Variants in TYW1 observed in about 807,000 individuals in gnomAD.
The protein encoded by TYW1 is tRNA-yW synthesizing protein 1 homolog, also known as S-adenosyl-L-methionine-dependent tRNA 4-demethylwyosine synthase TYW1.
Under a neutral mutation model 96.2 loss-of-function variants are expected in TYW1, and 46 were observed. The ratio of observed to expected loss-of-function variants is 0.48; its 90% CI spans 0.38 to 0.61. TYW1 has a LOEUF of 0.61. TYW1 is among the 20% of genes least tolerant of loss of function. The pLI, the probability that TYW1 is intolerant of heterozygous loss-of-function variation, is 0.00. For synonymous variants in TYW1, 274 were observed against 323.0 expected (o/e 0.85, Z 1.63); for missense variants, 684 against 909.6 (o/e 0.75, Z 3.19).
intron 7 of TYW1, among the ~76,000 whole-genome samples, chr7:67,043,325 A>G (rs1283822540): frequency 6.8e-6 from 1 of 146,006 alleles, no homozygotes; most frequent in East Asian, 2.0e-4. Context: ...TCTTTCTCTT[A>G]TGTTGTGGTT....
chr7:67,031,892 G>A (rs1005172786), intron 7 of TYW1, among the ~76,000 whole-genome samples: 1 of 152,086 alleles, frequency 6.6e-6, no homozygotes, highest in Non-Finnish European at 1.5e-5. Flanking sequence ...TGTGACCCAT[G>A]TTCCTGCTGA....
At chr7:67,200,408 A>G (rs1358099139) in intron 15 of TYW1, among the ~76,000 whole-genome samples, 2 of 152,136 alleles carry the variant, frequency 1.3e-5, no homozygotes, top group Non-Finnish European at 2.9e-5. Flanking sequence ...CCTCACAATA[A>G]TGGTGGAAGG....
At chr7:67,071,002 G>C (rs758554909) in intron 10 of TYW1, among the ~76,000 whole-genome samples, 2 of 151,782 alleles carry the variant, frequency 1.3e-5, no homozygotes. Flanking sequence ...GTGGTGGTGG[G>C]CGCCTGTAGT....
chr7:67,000,009 C>T (rs193287024), intron 3 of TYW1, among the ~76,000 whole-genome samples: 2 of 151,990 alleles, frequency 1.3e-5, no homozygotes, highest in Admixed American at 1.3e-4. Flanking sequence ...CATCTTCGCT[C>T]ACTGCAACCT....
At chr7:67,152,265 A>T (rs1255196722) in intron 13 of TYW1, among the ~76,000 whole-genome samples, 1 of 152,002 alleles carries the variant, frequency 6.6e-6, no homozygotes, top group Non-Finnish European at 1.5e-5. Flanking sequence ...CCTGGATTAG[A>T]CTCACCATTA....
At chr7:67,225,553 T>C (rs1167419485) in intron 15 of TYW1, among the ~76,000 whole-genome samples, 2 of 152,184 alleles carry the variant, frequency 1.3e-5, no homozygotes, top group Non-Finnish European at 2.9e-5. Context: ...CATCTTGGAA[T>C]AAGAAGGGAC....
chr7:67,006,508 C>T (rs1392982784), intron 3 of TYW1, among the ~76,000 whole-genome samples: 8 of 138,618 alleles, frequency 5.8e-5, no homozygotes, highest in South Asian at 4.4e-4. Context: ...GGCGTGATCT[C>T]GGCTCACTGC....
intron 13 of TYW1, among the ~76,000 whole-genome samples, chr7:67,139,297 T>C (rs1039379651): frequency 1.2e-4 from 18 of 152,306 alleles, no homozygotes; most frequent in African/African-American, 2.9e-4. Context: ...AGTGATCCAG[T>C]CACCTTGGCC....
intron 4 of TYW1, among the ~76,000 whole-genome samples, chr7:67,010,158 G>C (rs868483809): frequency 6.6e-6 from 1 of 151,382 alleles, no homozygotes; most frequent in Non-Finnish European, 1.5e-5. Flanking sequence ...AATTTTTTTT[G>C]TGTGTGTCTG....
At chr7:67,047,953 A>G (rs1477873089) in intron 7 of TYW1, among the ~76,000 whole-genome samples, 1 of 151,692 alleles carries the variant, frequency 6.6e-6, no homozygotes, top group Non-Finnish European at 1.5e-5. Context: ...ATGCCTGGCT[A>G]ATTTTTGTAT....
At position 67,014,445 on chromosome 7, in the gene TYW1, T is replaced by C. The variant is rs746666917; in HGVS notation, c.454T>C (p.Cys152Arg). The change falls in exon 5 of 16, where the codon TGC (cysteine) becomes CGC (arginine). Residue 152 changes from cysteine to arginine, a missense_variant. Transcript: ENST00000359626. ...ACCAACTGAAAGTGCAGAGTGGTTC[T>C]GCAAATGGTTAGAGGAAGCATCCAT... is the stretch of plus-strand genomic sequence containing the variant. ...GLPTESAEWF[C>R]KWLEEASIDF... 1 of 1,614,000 alleles carries C rather than the reference T, an allele frequency of 6.2e-7. No homozygotes were observed. The highest frequency in any genetic ancestry group is 2.2e-5 in the East Asian group (1 of 44,888).
chr7:67,179,773 T>G (rs189992138), intron 13 of TYW1, among the ~76,000 whole-genome samples: 9 of 143,698 alleles, frequency 6.3e-5, no homozygotes, highest in African/African-American at 2.4e-4. Flanking sequence ...GTAGATGGGT[T>G]TTTGTTTAGG....
At chr7:67,165,186 A>AT (rs1416259969) in intron 13 of TYW1, among the ~76,000 whole-genome samples, 1 of 152,214 alleles carries the variant, frequency 6.6e-6, no homozygotes, top group Non-Finnish European at 1.5e-5. Context: ...TACTGCTTCA[A>AT]TTTGCATATC....
At chr7:67,056,261 G>T (rs1795512972) in intron 9 of TYW1, among the ~76,000 whole-genome samples, 1 of 152,196 alleles carries the variant, frequency 6.6e-6, no homozygotes, top group African/African-American at 2.4e-5. Flanking sequence ...CGGAGGCCAG[G>T]TGGGCGGATC....
intron 5 of TYW1, among the ~76,000 whole-genome samples, chr7:67,017,090 C>A (rs183961163): frequency 6.8e-6 from 1 of 146,142 alleles, no homozygotes; most frequent in East Asian, 2.0e-4. Flanking sequence ...TCAAGGAATT[C>A]TCATGACTCG....
chr7:67,072,832 A>G (rs930516233), intron 10 of TYW1, among the ~76,000 whole-genome samples: 2 of 151,806 alleles, frequency 1.3e-5, no homozygotes, highest in Admixed American at 1.3e-4. Flanking sequence ...CAGTGGTGCA[A>G]TCATAGCTCA....
chr7:67,228,613 C>T (rs981397251), intron 15 of TYW1, among the ~76,000 whole-genome samples: 3 of 152,212 alleles, frequency 2.0e-5, no homozygotes, highest in Non-Finnish European at 4.4e-5. Context: ...ATACAAACCA[C>T]CTCCAATGTT....
At position 67,000,225 on chromosome 7, in the gene TYW1, C is replaced by T. The variant is rs187955338; in HGVS notation, c.273+1271C>T. ...TGTTGGGATTACAGTCGTGAGCCAC[C>T]GTGCCCAGTCCCATTCTCTAATTAT... On this transcript the variant is annotated intron_variant, in intron 3 of 15. Transcript: ENST00000359626. 2.9e-3 allele frequency among the ~76,000 whole-genome samples: 441 copies of T among 152,180 alleles called. 3 individuals are homozygous for T. Among genetic ancestry groups the T allele is most frequent in the South Asian group, 4.4e-3 (21 of 4,804 alleles).
intron 13 of TYW1, among the ~76,000 whole-genome samples, chr7:67,154,344 A>T (rs1798898528): frequency 6.6e-6 from 1 of 152,160 alleles, no homozygotes; most frequent in Admixed American, 6.5e-5. Context: ...CCATTCTTTC[A>T]CTTCCAGATA....
Sources: allele counts gnomAD v4.1 joint callset (sites outside exome capture counted in the v4.1 genomes callset), GRCh38; gene constraint gnomAD v4.1.1; transcripts MANE v1.5; gene names NCBI Gene and HGNC (gene_info 2026-07-23, HGNC 2026-07-21).